Variants in PRKCE observed in about 807,000 individuals in gnomAD.
The protein encoded by PRKCE is protein kinase C epsilon type.
In PRKCE, 16 loss-of-function variants were observed where a neutral mutation model predicts 85.4. The observed-to-expected ratio is 0.19, with a 90% CI of 0.13 to 0.28. The LOEUF is 0.28. Ranked by LOEUF, PRKCE falls within the 10% of genes least tolerant of loss-of-function variation. The probability of loss-of-function intolerance (pLI) is 1.00; values close to 1 mark genes in which losing one functional copy is unlikely to be tolerated. For missense variants in PRKCE, 573 were observed against 975.2 expected (o/e 0.59, Z 5.49); for synonymous variants, 388 against 371.5 (o/e 1.04, Z -0.51).
At position 46,007,607 on chromosome 2, in the gene PRKCE, G is replaced by C; in HGVS notation, c.1209G>C (p.Leu403=). ...TCCGGCAAGGCCAGGCCAAGCGCCT[G>C]GGCCTGGATGAGTTCAACTTCATCA... ...GEVRQGQAKR[L]GLDEFNFIKV... The change falls in exon 9 of 15, where the codon CTG becomes CTC. Residue 403 remains leucine, a synonymous_variant. Transcript: ENST00000306156. 6.3e-7 allele frequency: 1 copy of C among 1,599,806 alleles called. No homozygotes were observed. Among genetic ancestry groups the C allele is most frequent in the Non-Finnish European group, 8.5e-7 (1 of 1,179,968 alleles).
At chr2:45,900,058 C>G (rs1019516975) in intron 2 of PRKCE, among the ~76,000 whole-genome samples, 4 of 152,084 alleles carry the variant, frequency 2.6e-5, no homozygotes, top group African/African-American at 4.8e-5. Context: ...TAATCTATAA[C>G]AGATTTAAGT....
intron 2 of PRKCE, among the ~76,000 whole-genome samples, chr2:45,879,637 G>T (rs1178279677): frequency 6.6e-6 from 1 of 152,232 alleles, no homozygotes; most frequent in African/African-American, 2.4e-5. Context: ...GCACTCAAAA[G>T]CACTTGCTCT....
chr2:45,737,583 C>T (rs1222884657), intron 1 of PRKCE, among the ~76,000 whole-genome samples: 1 of 152,076 alleles, frequency 6.6e-6, no homozygotes, highest in East Asian at 1.9e-4. Flanking sequence ...CAGGTGTATC[C>T]TCTCGCCTGT....
intron 4 of PRKCE, 34 bp from the exon 5 acceptor site, chr2:45,980,262 T>C: frequency 6.3e-7 from 1 of 1,592,882 alleles, no homozygotes; most frequent in South Asian, 1.1e-5. Context: ...CTTTCCTGAG[T>C]GTCATTCAGC....
intron 1 of PRKCE, among the ~76,000 whole-genome samples, chr2:45,663,384 T>C (rs11896773): frequency 0.068 from 10,340 of 152,154 alleles, 782 homozygotes; most frequent in African/African-American, 0.19. Flanking sequence ...AGAGGGGAAT[T>C]AATGTGGGTT....
At chr2:45,654,732 G>GT (rs1237527271) in intron 1 of PRKCE, among the ~76,000 whole-genome samples, 7 of 152,234 alleles carry the variant, frequency 4.6e-5, no homozygotes, top group Non-Finnish European at 8.8e-5. Flanking sequence ...GAGTCAAGCA[G>GT]TGGAGCAGGT....
intron 13 of PRKCE, 51 bp downstream of exon 13, chr2:46,151,280 TACACACACACACACACACACACACACAC>T: frequency 7.2e-6 from 4 of 559,048 alleles, no homozygotes; most frequent in East Asian, 3.6e-5. Flanking sequence ...CTCCTCCCCC[TACACACACACACACACACACACACACAC>T]ACACACACAC....
At chr2:45,762,962 T>C (rs1474306358) in intron 1 of PRKCE, among the ~76,000 whole-genome samples, 1 of 151,540 alleles carries the variant, frequency 6.6e-6, no homozygotes, top group Admixed American at 6.6e-5. Flanking sequence ...TCTTCTTTTT[T>C]TTTTTTTGAG....
chr2:45,961,027 A>G (rs1187164227), intron 2 of PRKCE, among the ~76,000 whole-genome samples: 1 of 152,152 alleles, frequency 6.6e-6, no homozygotes, highest in Non-Finnish European at 1.5e-5. Flanking sequence ...GGATCACTTT[A>G]TTTTTTAGAA....
rs1694853418 is a variant in PRKCE, at chr2:45,881,117, C to T, written c.412+38054C>T. 4.2e-5 allele frequency among the ~76,000 whole-genome samples: 6 copies of T among 144,286 alleles called. No homozygotes were observed. In the South Asian group the frequency reaches 1.3e-3, roughly 32 times the overall value. 94.7% of individuals were successfully genotyped at this position (144,286 alleles called of 152,430 possible). A position where few individuals can be genotyped will look rare whatever the true frequency, so the allele number is the denominator to read the frequency against. On this transcript the variant is annotated intron_variant, in intron 2 of 14. Coordinates refer to ENST00000306156, the MANE Select transcript of PRKCE (RefSeq NM_005400.3). ...GCAGTGAGCCGAGATCCCGCCACTGCACTCCAGCCTGGGCGACAGAGCGAG... is the reference window on the plus strand; with the variant it reads ...GCAGTGAGCCGAGATCCCGCCACTGTACTCCAGCCTGGGCGACAGAGCGAG...
At chr2:46,092,919 G>C (rs555475635) in intron 11 of PRKCE, among the ~76,000 whole-genome samples, 1 of 152,190 alleles carries the variant, frequency 6.6e-6, no homozygotes, top group East Asian at 1.9e-4. Flanking sequence ...AAGGTCTAAC[G>C]TGTAGTCTCA....
At chr2:46,077,322 G>A (rs890368853) in intron 10 of PRKCE, among the ~76,000 whole-genome samples, 1 of 152,092 alleles carries the variant, frequency 6.6e-6, no homozygotes, top group East Asian at 1.9e-4. Context: ...AGCTTATCAA[G>A]TTGTATACAT....
At chr2:46,101,338 GA>G (rs1671201699) in intron 11 of PRKCE, among the ~76,000 whole-genome samples, 1 of 152,172 alleles carries the variant, frequency 6.6e-6, no homozygotes, top group Non-Finnish European at 1.5e-5. Flanking sequence ...AGCCAGTTTA[GA>G]AAAAGTCAAG....
At chr2:45,785,804 G>A (rs560889857) in intron 1 of PRKCE, among the ~76,000 whole-genome samples, 2 of 152,296 alleles carry the variant, frequency 1.3e-5, no homozygotes, top group Admixed American at 6.5e-5. Context: ...CTCAACCCAG[G>A]CCGAGGAAGC....
chr2:45,995,684 C>G (rs768567807), intron 6 of PRKCE, among the ~76,000 whole-genome samples: 1 of 152,208 alleles, frequency 6.6e-6, no homozygotes, highest in Non-Finnish European at 1.5e-5. Flanking sequence ...GCTGTCTGTT[C>G]TGTTCCATTG....
In PRKCE at chr2:45,718,826, C is replaced by G. The variant is rs376132799; in HGVS notation, c.348+66378C>G. On this transcript the variant is annotated intron_variant, in intron 1 of 14. Transcript: ENST00000306156. ...AAATTTAGTAATTTCATGGTTTAAT[C>G]TGGAGCTCCAAGGAACACTAGTTTT... Among the ~76,000 whole-genome samples, 193 of 152,296 alleles carry G rather than the reference C, an allele frequency of 1.3e-3. 1 individual carries two copies. Among genetic ancestry groups the G allele is most frequent in the Middle Eastern group, 6.8e-3 (2 of 294 alleles).
chr2:45,748,299 A>G (rs1047201362), intron 1 of PRKCE, among the ~76,000 whole-genome samples: 2 of 152,232 alleles, frequency 1.3e-5, no homozygotes, highest in African/African-American at 4.8e-5. Flanking sequence ...GAGAAGTCCA[A>G]TAATTTACTA....
At chr2:45,955,612 A>T (rs916206564) in intron 2 of PRKCE, among the ~76,000 whole-genome samples, 3 of 152,174 alleles carry the variant, frequency 2.0e-5, no homozygotes, top group Non-Finnish European at 4.4e-5. Context: ...TGAGCCCTGG[A>T]GTTTGAGGCC....
intron 1 of PRKCE, among the ~76,000 whole-genome samples, chr2:45,804,867 A>G (rs778291782): frequency 1.3e-5 from 2 of 152,152 alleles, no homozygotes; most frequent in Non-Finnish European, 2.9e-5. Flanking sequence ...ATTGTTTCAA[A>G]AGCCTTTCCT....
Sources: gnomAD v4.1 joint callset for allele counts (sites outside exome capture counted in the v4.1 genomes callset) on GRCh38, gnomAD v4.1.1 for gene constraint, MANE v1.5 for transcripts, NCBI Gene and HGNC (gene_info 2026-07-23, HGNC 2026-07-21) for gene names.